SGMS1: variants seen among roughly 807,000 people sequenced by gnomAD.
SGMS1 encodes phosphatidylcholine:ceramide cholinephosphotransferase 1.
A neutral mutation model predicts 46.2 loss-of-function variants in SGMS1; 13 were observed. The ratio of observed to expected loss-of-function variants is 0.28; its 90% CI spans 0.18 to 0.45. The LOEUF (loss-of-function observed/expected upper bound fraction) is 0.45. Ranked by LOEUF, SGMS1 falls within the 20% of genes least tolerant of loss-of-function variation. SGMS1 has a pLI of 1.00. For synonymous variants in SGMS1, 203 were observed against 187.8 expected, an observed-to-expected ratio of 1.08 and a Z score of -0.66; for missense variants, 324 against 519.9, an observed-to-expected ratio of 0.62 and a Z score of 3.66.
chr10:50,447,176 A>C (rs1837029103), intron 5 of SGMS1, among the ~76,000 whole-genome samples: 2 of 152,214 alleles, frequency 1.3e-5, no homozygotes, highest in African/African-American at 4.8e-5. Context: ...AATTCAAGGG[A>C]GAGAGACTCA....
intron 3 of SGMS1, among the ~76,000 whole-genome samples, chr10:50,485,905 C>CA (rs1261719400): frequency 1.3e-5 from 2 of 151,936 alleles, no homozygotes; most frequent in African/African-American, 2.4e-5. Context: ...GTCTCAAAAA[C>CA]AAAAAACAAG....
chr10:50,485,680 G>A lies in SGMS1; in HGVS notation c.-497-18748C>T, dbSNP rs574775763. ...TTTGGGAGGCCAAGGCAGGTGGATC[G>A]CTTGAGGCCAGGAGTTCGAGAGCAG... is the stretch of plus-strand genomic sequence containing the variant. On this transcript the variant is annotated intron_variant, in intron 3 of 10. Transcript: ENST00000361781. Among the ~76,000 whole-genome samples, 13 of 152,154 alleles carry A rather than the reference G, an allele frequency of 8.5e-5. No individual in the cohort carries two copies. The East Asian group carries it at 1.5e-3, about 18-fold the overall frequency.
At chr10:50,618,310 C>G (rs1282726201) in intron 1 of SGMS1, among the ~76,000 whole-genome samples, 2 of 152,140 alleles carry the variant, frequency 1.3e-5, no homozygotes, top group African/African-American at 4.8e-5. Context: ...GGAAAAATAT[C>G]TTATACTCTT....
At chr10:50,447,122 T>A (rs1263897470) in intron 5 of SGMS1, among the ~76,000 whole-genome samples, 2 of 152,246 alleles carry the variant, frequency 1.3e-5, no homozygotes, top group African/African-American at 4.8e-5. Flanking sequence ...TAGATTTTAT[T>A]TAATTTTACT....
At chr10:50,495,766 T>TAAA (rs35489210) in intron 3 of SGMS1, among the ~76,000 whole-genome samples, 29 of 147,346 alleles carry the variant, frequency 2.0e-4, no homozygotes, top group African/African-American at 6.2e-4. Context: ...CCAAGAATTA[T>TAAA]AAAAAAAAAA....
chr10:50,458,834 A>G (rs1837229489), intron 5 of SGMS1, among the ~76,000 whole-genome samples: 1 of 152,210 alleles, frequency 6.6e-6, no homozygotes, highest in Non-Finnish European at 1.5e-5. Flanking sequence ...AAGCCTAAAT[A>G]TATAGAAATT....
Position 50,307,148 on chromosome 10 carries a change from G to C in SGMS1, c.1236C>G (p.Asp412Glu), listed in dbSNP as rs1020550048. ...TCCCCACTTTGTACAGCTGTTATGT[G>C]TCATTCACCAGCCGGCTGTATTTAA... ...RQVKYSRLVN[D>E]T Residue 412 changes from aspartate to glutamate, a missense_variant, in exon 11 of 11, where the codon GAC becomes GAG. By Grantham distance (45) the Asp-to-Glu change is conservative (BLOSUM62 2). Transcript: ENST00000361781. This position sits in a 1 kb window ranked among gnomAD's most constrained non-coding sequence, Gnocchi z 4.2. The C allele has an allele frequency of 1.9e-6, 3 of 1,613,846 alleles. No individual in the cohort carries two copies. Among genetic ancestry groups the C allele is most frequent in the Middle Eastern group, 1.7e-4 (1 of 6,060 alleles).
At chr10:50,415,285 G>T (rs188302999) in intron 6 of SGMS1, among the ~76,000 whole-genome samples, 14 of 152,146 alleles carry the variant, frequency 9.2e-5, no homozygotes, top group Non-Finnish European at 1.8e-4. Flanking sequence ...TTTTATTTTT[G>T]TAAGTGATTC....
At chr10:50,603,335 C>T (rs1365459097) in intron 1 of SGMS1, among the ~76,000 whole-genome samples, 1 of 152,182 alleles carries the variant, frequency 6.6e-6, no homozygotes. Context: ...AGGGCTGAAC[C>T]GTGGGTAACA....
intron 2 of SGMS1, among the ~76,000 whole-genome samples, chr10:50,524,797 C>T (rs953182589): frequency 6.6e-6 from 1 of 152,146 alleles, no homozygotes; most frequent in Non-Finnish European, 1.5e-5. Flanking sequence ...AAATTAACAG[C>T]ATAATAGGTA....
intron 1 of SGMS1, among the ~76,000 whole-genome samples, chr10:50,621,031 C>G (rs1208065469): frequency 6.6e-6 from 1 of 152,062 alleles, no homozygotes; most frequent in African/African-American, 2.4e-5. Flanking sequence ...AAAAAAGTAG[C>G]TGGGCTTAGT....
At chr10:50,500,616 G>A (rs926258823) in intron 3 of SGMS1, among the ~76,000 whole-genome samples, 1 of 151,738 alleles carries the variant, frequency 6.6e-6, no homozygotes, top group African/African-American at 2.4e-5. Flanking sequence ...ATATTACAAG[G>A]CACTTTAAAT....
chr10:50,602,949 G>A (rs932956138), intron 1 of SGMS1, among the ~76,000 whole-genome samples: 16 of 152,068 alleles, frequency 1.1e-4, no homozygotes, highest in Non-Finnish European at 4.4e-5. Flanking sequence ...AAAACAATCA[G>A]GAGAAAAGGT....
intron 1 of SGMS1, among the ~76,000 whole-genome samples, chr10:50,613,384 C>A (rs1838767793): frequency 6.6e-6 from 1 of 152,226 alleles, no homozygotes; most frequent in Non-Finnish European, 1.5e-5. Context: ...ACCCAGACCC[C>A]ATCGCACTCA....
At chr10:50,462,686 A>G (rs1370696259) in intron 4 of SGMS1, among the ~76,000 whole-genome samples, 1 of 152,252 alleles carries the variant, frequency 6.6e-6, no homozygotes, top group Non-Finnish European at 1.5e-5. Flanking sequence ...GAATAGGCCT[A>G]TTTATCTCTG....
intron 3 of SGMS1, among the ~76,000 whole-genome samples, chr10:50,491,926 C>T (rs1275157426): frequency 1.3e-5 from 2 of 152,208 alleles, no homozygotes; most frequent in Non-Finnish European, 2.9e-5. Context: ...CAACAAAATA[C>T]TGACAAACCA....
intron 2 of SGMS1, among the ~76,000 whole-genome samples, chr10:50,538,680 A>C (rs1425264684): frequency 3.3e-5 from 5 of 152,142 alleles, no homozygotes; most frequent in African/African-American, 1.2e-4. Context: ...GGATGACACC[A>C]TTCCCCACTG....
intron 5 of SGMS1, among the ~76,000 whole-genome samples, chr10:50,442,781 T>C (rs1025698401): frequency 2.0e-5 from 3 of 152,248 alleles, no homozygotes; most frequent in Non-Finnish European, 4.4e-5. Context: ...GTCAAATGTA[T>C]AGCTTGCAAA....
chr10:50,577,428 G>A (rs1838395143), intron 2 of SGMS1, among the ~76,000 whole-genome samples: 2 of 152,170 alleles, frequency 1.3e-5, no homozygotes, highest in African/African-American at 4.8e-5. Context: ...AAAGGCAGGA[G>A]TAGCTAATTA....
Sources: gnomAD v4.1 joint callset for allele counts (sites outside exome capture counted in the v4.1 genomes callset) on GRCh38, gnomAD v4.1.1 for gene constraint, Gnocchi (gnomAD v3.1) non-coding constraint, MANE v1.5 for transcripts, NCBI Gene and HGNC (gene_info 2026-07-23, HGNC 2026-07-21) for gene names.